The following TRPM3 variants were observed in gnomAD, a reference collection of about 807,000 sequenced individuals.
TRPM3 encodes the protein long transient receptor potential channel 3.
A neutral mutation model predicts 181.2 loss-of-function variants in TRPM3; 77 were observed. That is an observed-to-expected ratio of 0.42 (90% CI 0.35 to 0.51). The LOEUF (loss-of-function observed/expected upper bound fraction) is 0.51, where lower values mean the gene tolerates loss of function less well. TRPM3 is among the 20% of genes least tolerant of loss of function. The pLI is 0.01. For missense variants in TRPM3, 1,759 were observed against 2,196.7 expected (o/e 0.80, Z 3.98); for synonymous variants, 745 against 796.4 (o/e 0.94, Z 1.09).
chr9:71,187,198 A>G (rs1207687765), intron 1 of TRPM3, among the ~76,000 whole-genome samples: 2 of 152,020 alleles, frequency 1.3e-5, no homozygotes, highest in Non-Finnish European at 2.9e-5. Context: ...CAGTTCATTT[A>G]AATTAAATTA....
chr9:71,227,719 A>G (rs2080777260), intron 1 of TRPM3, among the ~76,000 whole-genome samples: 1 of 152,300 alleles, frequency 6.6e-6, no homozygotes, highest in Non-Finnish European at 1.5e-5. Flanking sequence ...CCATATGCCA[A>G]TAAATTGGAA....
chr9:70,548,235 C>T (rs1349866052), intron 25 of TRPM3, among the ~76,000 whole-genome samples: 1 of 152,196 alleles, frequency 6.6e-6, no homozygotes, highest in Non-Finnish European at 1.5e-5. Context: ...CTTTTAGTTT[C>T]TTCTTCTGTT....
intron 1 of TRPM3, among the ~76,000 whole-genome samples, chr9:71,225,619 T>C (rs1373161782): frequency 3.3e-5 from 5 of 152,166 alleles, no homozygotes; most frequent in African/African-American, 9.7e-5. Flanking sequence ...ACTACTCATA[T>C]CTTAAGTAAA....
At chr9:71,070,614 G>T (rs1402420211) in intron 1 of TRPM3, among the ~76,000 whole-genome samples, 1 of 152,186 alleles carries the variant, frequency 6.6e-6, no homozygotes, top group Non-Finnish European at 1.5e-5. Context: ...ACTGTCAACT[G>T]ATACCCATGC....
chr9:70,887,154 G>A (rs1418226765), intron 1 of TRPM3, among the ~76,000 whole-genome samples: 1 of 152,112 alleles, frequency 6.6e-6, no homozygotes. Context: ...TGTGGCTAGT[G>A]GATTGGGCTA....
chr9:70,579,154 T>TA (rs1181109320), intron 22 of TRPM3: 1 of 152,434 alleles, frequency 6.6e-6, no homozygotes, highest in Non-Finnish European at 1.5e-5. Flanking sequence ...TTTTTATTTT[T>TA]AGTTTTTTAG....
chr9:71,049,189 G>A (rs1467045831), intron 1 of TRPM3, among the ~76,000 whole-genome samples: 1 of 151,920 alleles, frequency 6.6e-6, no homozygotes, highest in Non-Finnish European at 1.5e-5. Flanking sequence ...TGACTCCATT[G>A]ACTTACCTTT....
intron 8 of TRPM3, among the ~76,000 whole-genome samples, chr9:70,694,732 G>A (rs1240637295): frequency 6.6e-6 from 1 of 152,136 alleles, no homozygotes; most frequent in Non-Finnish European, 1.5e-5. Context: ...CACCCGCCTC[G>A]GCCTCCCAAA....
At chr9:71,123,538 T>G (rs1269209211), upstream of TRPM3, among the ~76,000 whole-genome samples, 5 of 152,322 alleles carry the variant, frequency 3.3e-5, no homozygotes, top group South Asian at 8.3e-4. Context: ...ATCTTCTGGG[T>G]AGCATGTGCT....
intron 9 of TRPM3, 111 bp downstream of exon 9, chr9:70,681,395 T>G: frequency 1.1e-6 from 1 of 885,590 alleles, no homozygotes; most frequent in Non-Finnish European, 1.8e-6. Context: ...TTATCAATAA[T>G]TTATTGTGTC....
At chr9:71,361,179 G>T (rs559531724) in intron 1 of TRPM3, among the ~76,000 whole-genome samples, 3 of 152,122 alleles carry the variant, frequency 2.0e-5, no homozygotes, top group African/African-American at 4.8e-5. Context: ...TAGAAACAGG[G>T]TTTCACCATG....
chr9:71,036,084 T>C (rs1302156934), intron 1 of TRPM3, among the ~76,000 whole-genome samples: 1 of 151,342 alleles, frequency 6.6e-6, no homozygotes, highest in African/African-American at 2.4e-5. Context: ...AAATGGAAGA[T>C]TACAGATTGG....
chr9:70,763,446 G>A (rs1223786506), intron 7 of TRPM3, among the ~76,000 whole-genome samples: 2 of 151,992 alleles, frequency 1.3e-5, no homozygotes, highest in African/African-American at 4.8e-5. Context: ...GGGAGGCAGT[G>A]AGCCAAGATC....
intron 1 of TRPM3, among the ~76,000 whole-genome samples, chr9:70,883,817 C>A (rs533030777): frequency 7.9e-5 from 12 of 152,332 alleles, no homozygotes; most frequent in African/African-American, 2.6e-4. Flanking sequence ...AAAGCCAAAG[C>A]AAGGACTTCT....
chr9:70,789,403 C>A (rs889198940), intron 6 of TRPM3, among the ~76,000 whole-genome samples: 1 of 152,020 alleles, frequency 6.6e-6, no homozygotes, highest in African/African-American at 2.4e-5. Context: ...TCATTGAAAA[C>A]AAATGAATAA....
At chr9:71,201,781 C>T (rs2078810676) in intron 1 of TRPM3, among the ~76,000 whole-genome samples, 1 of 152,156 alleles carries the variant, frequency 6.6e-6, no homozygotes, top group South Asian at 2.1e-4. Flanking sequence ...TGAATTTCCT[C>T]CTGTAGCTCG....
chr9:70,568,620 T>C (rs62545465), intron 22 of TRPM3, among the ~76,000 whole-genome samples: 2,042 of 152,360 alleles, frequency 0.013, 16 homozygotes, highest in Middle Eastern at 0.034. Flanking sequence ...ATTATGGCCA[T>C]TTTACAGATG....
intron 4 of TRPM3, among the ~76,000 whole-genome samples, chr9:70,843,437 T>C (rs2094807538): frequency 6.6e-6 from 1 of 152,194 alleles, no homozygotes; most frequent in South Asian, 2.1e-4. Flanking sequence ...AAACTCTTTT[T>C]CTTATAAGCA....
chr9:70,862,376 T>C (rs6560167), intron 3 of TRPM3, among the ~76,000 whole-genome samples: 3,651 of 152,204 alleles, frequency 0.024, 145 homozygotes, highest in African/African-American at 0.075. Flanking sequence ...AATGAGAACA[T>C]TATTGAGCAC....
Sources: allele counts gnomAD v4.1 joint callset (sites outside exome capture counted in the v4.1 genomes callset), GRCh38; gene constraint gnomAD v4.1.1; transcripts MANE v1.5; gene names NCBI Gene and HGNC (gene_info 2026-07-23, HGNC 2026-07-21).